The following ZBTB41 variants were observed in gnomAD, a reference collection of about 807,000 sequenced individuals.
The protein encoded by ZBTB41 is zinc finger and BTB domain-containing protein 41.
A neutral mutation model predicts 87.6 loss-of-function variants in ZBTB41; 42 were observed. The ratio of observed to expected loss-of-function variants is 0.48; its 90% CI spans 0.37 to 0.62. The LOEUF is 0.62. Among genes scored for constraint, ZBTB41 ranks in the 20% least tolerant of loss-of-function variants. The pLI, the probability that ZBTB41 is intolerant of heterozygous loss-of-function variation, is 0.00. For missense variants in ZBTB41, 799 were observed against 1,078.9 expected, an observed-to-expected ratio of 0.74 and a Z score of 3.63; for synonymous variants, 364 against 364.0, an observed-to-expected ratio of 1.00 and a Z score of 0.00.
chr1:197,193,118 A>G (rs577598646), intron 2 of ZBTB41, among the ~76,000 whole-genome samples: 2 of 152,304 alleles, frequency 1.3e-5, no homozygotes, highest in South Asian at 4.1e-4. Flanking sequence ...ATATTTAGGC[A>G]TCTCCTAAAT....
In ZBTB41 at chr1:197,172,193, AT is replaced by A; in HGVS notation, c.2040del (p.Lys680AsnfsTer32). 7.0e-7 allele frequency: 1 copy of A among 1,437,980 alleles called. No individual in the cohort carries two copies. Among genetic ancestry groups the A allele is most frequent in the Non-Finnish European group, 9.2e-7 (1 of 1,083,548 alleles). The allele number at this position is 1,437,980 out of a possible 1,614,324, so 89.1% of individuals were successfully genotyped here. ...GTTCGAAAATGCATTTCCAGACTTG[AT>A]TTGCCTTTAAAAATTTTCTTACAAA... ...CDVCKKIFKG[K>X]SSLEMHFRTH... On this transcript the variant is annotated frameshift_variant, in exon 10 of 11. Coordinates refer to ENST00000367405, the MANE Select transcript of ZBTB41 (RefSeq NM_194314.3). LOFTEE classifies it high-confidence loss of function.
chr1:197,161,545 C>G (rs1368517073), intron 10 of ZBTB41, among the ~76,000 whole-genome samples: 1 of 151,986 alleles, frequency 6.6e-6, no homozygotes, highest in African/African-American at 2.4e-5. Flanking sequence ...TTACCTAGTA[C>G]TACTGAATTT....
intron 10 of ZBTB41, among the ~76,000 whole-genome samples, chr1:197,166,826 G>A (rs768840134): frequency 5.3e-5 from 8 of 152,078 alleles, no homozygotes; most frequent in Non-Finnish European, 1.2e-4. Flanking sequence ...CAGTGTGGGC[G>A]ACAGAGTGAG....
At chr1:197,161,104 A>T (rs1190999720) in intron 10 of ZBTB41, among the ~76,000 whole-genome samples, 2 of 152,066 alleles carry the variant, frequency 1.3e-5, no homozygotes, top group Non-Finnish European at 1.5e-5. Flanking sequence ...TATTCCCTAT[A>T]GCCCCTGGAA....
chr1:197,197,092 T>C (rs1407446701), intron 2 of ZBTB41, among the ~76,000 whole-genome samples: 1 of 152,144 alleles, frequency 6.6e-6, no homozygotes, highest in African/African-American at 2.4e-5. Context: ...CTACATTTTG[T>C]GCAATATTTT....
chr1:197,175,291 A>C (rs1159204769), intron 8 of ZBTB41, among the ~76,000 whole-genome samples, 176 bp from the exon 9 acceptor site: 3 of 151,310 alleles, frequency 2.0e-5, no homozygotes, highest in Non-Finnish European at 3.0e-5. Flanking sequence ...TCTTCAAAAA[A>C]TGTATGCTTA....
chr1:197,182,143 G>A (rs1334177348), intron 5 of ZBTB41, among the ~76,000 whole-genome samples: 1 of 152,050 alleles, frequency 6.6e-6, no homozygotes, highest in Non-Finnish European at 1.5e-5. Flanking sequence ...AAAAGGTGAA[G>A]TAAATACACG....
At chr1:197,162,748 T>C (rs980439991) in intron 10 of ZBTB41, among the ~76,000 whole-genome samples, 2 of 152,120 alleles carry the variant, frequency 1.3e-5, no homozygotes, top group Non-Finnish European at 1.5e-5. Context: ...ATAGGAAGTA[T>C]AGAGGTGCTT....
At chr1:197,186,790 G>A (rs1233461374) in intron 5 of ZBTB41, among the ~76,000 whole-genome samples, 1 of 152,074 alleles carries the variant, frequency 6.6e-6, no homozygotes, top group Non-Finnish European at 1.5e-5. Context: ...CTTGAACCTG[G>A]GAGGTGGAGG....
chr1:197,199,427 A>C lies in ZBTB41; in HGVS notation c.1047T>G (p.Thr349=). 1 of 1,610,414 alleles carries C rather than the reference A, an allele frequency of 6.2e-7. No homozygotes were observed. The highest frequency in any genetic ancestry group is 1.1e-5 in the South Asian group (1 of 90,298). The change falls in exon 2 of 11, where the codon ACT becomes ACG. Residue 349 remains threonine (T), a synonymous_variant. Coordinates refer to ENST00000367405, the MANE Select transcript of ZBTB41 (RefSeq NM_194314.3). ...TGTTGCTGTTCTGAATGACCACTGGAGTTAACCCCTCATGAACATTTCCTA... is the reference window on the plus strand; with the variant it reads ...TGTTGCTGTTCTGAATGACCACTGGCGTTAACCCCTCATGAACATTTCCTA... ...DSVGNVHEGL[T]PVVIQNSNKK...
chr1:197,169,144 A>C (rs1231825352), intron 10 of ZBTB41, among the ~76,000 whole-genome samples: 1 of 152,090 alleles, frequency 6.6e-6, no homozygotes, highest in Non-Finnish European at 1.5e-5. Flanking sequence ...AAACTGACAC[A>C]ATTACTTTGA....
At chr1:197,170,331 C>A (rs1199841339) in intron 10 of ZBTB41, among the ~76,000 whole-genome samples, 2 of 151,810 alleles carry the variant, frequency 1.3e-5, no homozygotes, top group African/African-American at 4.8e-5. Flanking sequence ...GGTTCAAAAT[C>A]CTTCACCATT....
At chr1:197,184,794 C>CTATTTATTTATTTATTTATT (rs71286567) in intron 5 of ZBTB41, among the ~76,000 whole-genome samples, 32 of 147,648 alleles carry the variant, frequency 2.2e-4, no homozygotes, top group East Asian at 6.0e-4. Context: ...AAGTTTACAA[C>CTATTTATTTATTTATTTATT]TATTTATTTA....
intron 10 of ZBTB41, among the ~76,000 whole-genome samples, chr1:197,164,061 C>T (rs1030124450): frequency 8.6e-5 from 13 of 151,732 alleles, no homozygotes; most frequent in East Asian, 1.9e-4. Context: ...AACAAAAAAG[C>T]GATGTCTTTG....
intron 2 of ZBTB41, among the ~76,000 whole-genome samples, chr1:197,196,679 C>A (rs1054069831): frequency 6.6e-6 from 1 of 152,140 alleles, no homozygotes; most frequent in African/African-American, 2.4e-5. Flanking sequence ...AAGTATACAC[C>A]TCTGTAGAAC....
Position 197,165,523 on chromosome 1 carries a change from TGGCGTCAACCCG to T in ZBTB41, c.2075-5521_2075-5510del, listed in dbSNP as rs539745513. Among the ~76,000 whole-genome samples the T allele has an allele frequency of 2.4e-3, 367 of 151,028 alleles. 2 individuals are homozygous for T. Among genetic ancestry groups the T allele is most frequent in the African/African-American group, 8.3e-3 (339 of 41,062 alleles). On this transcript the variant is annotated intron_variant, in intron 10 of 10. Transcript: ENST00000367405. ...TACTCAGGAGGCTGAGGCGGGAGAA[TGGCGTCAACCCG>T]GGAGGCGGAGCTTGCAGTGAGCCGA... is the stretch of plus-strand genomic sequence containing the variant.
rs986250348 is a variant in ZBTB41 at position 197,201,224 on chromosome 1, G to C, written c.-119C>G. Among the ~76,000 whole-genome samples, 1 of 152,148 alleles carries C rather than the reference G, an allele frequency of 6.6e-6. No homozygotes were observed. Among genetic ancestry groups the C allele is most frequent in the African/African-American group, 2.4e-5 (1 of 41,436 alleles). On this transcript the variant is annotated splice_region_variant and 5_prime_UTR_variant, in exon 1 of 11. Transcript: ENST00000367405. ...GAAAACGCCCCACAGATCCATTACCGGGAACCCAAGGCTCCCCCGCTGGCT... is the reference window on the plus strand; with the variant it reads ...GAAAACGCCCCACAGATCCATTACCCGGAACCCAAGGCTCCCCCGCTGGCT...
intron 10 of ZBTB41, among the ~76,000 whole-genome samples, chr1:197,163,398 T>C (rs750294430): frequency 3.3e-5 from 5 of 151,886 alleles, no homozygotes; most frequent in African/African-American, 7.3e-5. Flanking sequence ...ATGATTAATA[T>C]GTACAGGACA....
intron 9 of ZBTB41, among the ~76,000 whole-genome samples, chr1:197,172,700 AC>A (rs1357496947): frequency 2.0e-5 from 3 of 152,052 alleles, no homozygotes; most frequent in African/African-American, 7.2e-5. Context: ...TGATTACATG[AC>A]TTGCAGAATT....
Sources: allele counts gnomAD v4.1 joint callset (sites outside exome capture counted in the v4.1 genomes callset), GRCh38; gene constraint gnomAD v4.1.1; transcripts MANE v1.5; gene names NCBI Gene and HGNC (gene_info 2026-07-23, HGNC 2026-07-21).